Variants in ITPR1 observed in about 807,000 individuals in gnomAD.
ITPR1 encodes inositol 1,4,5-trisphosphate receptor type 1.
A neutral mutation model predicts 318.4 loss-of-function variants in ITPR1; 96 were observed. The observed-to-expected ratio is 0.30, with a 90% CI of 0.26 to 0.36. The LOEUF (loss-of-function observed/expected upper bound fraction) is 0.36, where lower values mean the gene tolerates loss of function less well. Among genes scored for constraint, ITPR1 ranks in the 10% least tolerant of loss-of-function variants. ITPR1 has a pLI of 1.00. For missense variants in ITPR1, 2,440 were observed against 3,460.2 expected (o/e 0.71, Z 7.40); for synonymous variants, 1,312 against 1,289.9 (o/e 1.02, Z -0.37).
At chr3:4,534,215 G>A (rs562648767) in intron 4 of ITPR1, among the ~76,000 whole-genome samples, 8 of 152,158 alleles carry the variant, frequency 5.3e-5, no homozygotes, top group Non-Finnish European at 7.4e-5. Context: ...CCATGGCCCC[G>A]GTAGTGAACA....
At position 4,537,334 on chromosome 3, in the gene ITPR1, TG is replaced by T. The variant is rs569401118; in HGVS notation, c.163+16243del. On this transcript the variant is annotated intron_variant, in intron 4 of 61. Coordinates refer to ENST00000649015, the MANE Select transcript of ITPR1 (RefSeq NM_001378452.1). ...ATGTCTTTAAAGGGCTGTTTCTTCC[TG>T]GGTAAATATTGTAAGCTCTGTTCTT... 6.8e-4 allele frequency among the ~76,000 whole-genome samples: 103 copies of T among 152,356 alleles called. 1 individual carries two copies. Among genetic ancestry groups the T allele is most frequent in the Admixed American group, 5.6e-3 (86 of 15,304 alleles).
chr3:4,567,539 G>A (rs1274071775), intron 4 of ITPR1, among the ~76,000 whole-genome samples: 1 of 152,154 alleles, frequency 6.6e-6, no homozygotes, highest in Non-Finnish European at 1.5e-5. Context: ...TCAACCACGT[G>A]CGGTGGGCTT....
rs79501092 is a variant in ITPR1, at chr3:4,571,214, G to A, written c.163+50120G>A. 5.3e-3 allele frequency among the ~76,000 whole-genome samples: 804 copies of A among 152,316 alleles called. 18 individuals are homozygous for A. The highest frequency in any genetic ancestry group is 3.0e-3 in the Non-Finnish European group (204 of 68,032). On this transcript the variant is annotated intron_variant, in intron 4 of 61. Coordinates refer to ENST00000649015, the MANE Select transcript of ITPR1 (RefSeq NM_001378452.1). ...GCATTACAAAGTTTCATGTCAGAGG[G>A]CATGGATACAAGGAGGAGTGAAGAG...
At chr3:4,529,252 A>T (rs80302626) in intron 4 of ITPR1, among the ~76,000 whole-genome samples, 7,413 of 152,220 alleles carry the variant, frequency 0.049, 377 homozygotes, top group East Asian at 0.12. Flanking sequence ...ATGGAGAACC[A>T]TTTTCACTAT....
intron 2 of ITPR1, among the ~76,000 whole-genome samples, chr3:4,501,033 A>G (rs9845215): frequency 6.6e-6 from 1 of 150,934 alleles, no homozygotes; most frequent in South Asian, 2.1e-4. Flanking sequence ...TAAAAAAAAA[A>G]TTTTTTTTTG....
chr3:4,815,322 C>T (rs2049220013), intron 59 of ITPR1, 104 bp downstream of exon 59: 47 of 1,013,974 alleles, frequency 4.6e-5, no homozygotes, highest in South Asian at 3.0e-4. Context: ...CCCAGTTATG[C>T]GGGAGGGGGC....
At position 4,697,220 on chromosome 3, in the gene ITPR1, C is replaced by A. The variant is rs1235870691; in HGVS notation, c.4355C>A (p.Thr1452Asn). The A allele has an allele frequency of 6.3e-7, 1 of 1,590,162 alleles. No homozygotes were observed. The highest frequency in any genetic ancestry group is 1.8e-5 in the Admixed American group (1 of 55,880). ...GAGGTGGAAATGAAGGAGATTTATA[C>A]CAGCAATCACATGTGGAAATTGTTT... ...DTEVEMKEIY[T>N]SNHMWKLFEN... Residue 1452 changes from threonine (T) to asparagine (N), a missense_variant, in exon 34 of 62, where the codon ACC becomes AAC. Physicochemically the swap from Thr to Asn is moderately conservative, Grantham distance 65. Coordinates refer to ENST00000649015, the MANE Select transcript of ITPR1 (RefSeq NM_001378452.1).
At chr3:4,629,850 C>T (rs1044073355) in intron 5 of ITPR1, among the ~76,000 whole-genome samples, 3 of 152,200 alleles carry the variant, frequency 2.0e-5, no homozygotes, top group South Asian at 2.1e-4. Flanking sequence ...AAGCCTCAGT[C>T]GGAGGCACCC....
intron 44 of ITPR1, among the ~76,000 whole-genome samples, chr3:4,736,432 G>T (rs2043277443): frequency 6.6e-6 from 1 of 152,258 alleles, no homozygotes; most frequent in Admixed American, 6.5e-5. Flanking sequence ...TTCAGTCCCT[G>T]CCTGCTCCTC....
At chr3:4,752,700 T>C (rs1182404794) in intron 44 of ITPR1, among the ~76,000 whole-genome samples, 3 of 152,242 alleles carry the variant, frequency 2.0e-5, no homozygotes, top group Non-Finnish European at 4.4e-5. Flanking sequence ...GGCCTTACTG[T>C]GTTGACCAAG....
intron 4 of ITPR1, among the ~76,000 whole-genome samples, chr3:4,572,110 A>T (rs999674663): frequency 3.9e-5 from 6 of 152,120 alleles, no homozygotes; most frequent in Non-Finnish European, 8.8e-5. Context: ...TTGCTTATTG[A>T]GCGGGTCCAG....
chr3:4,676,595 C>T lies in ITPR1; in HGVS notation c.2780-19C>T, dbSNP rs375100956. ...TCTCTAGAGACATTGTGACCGTGGT[C>T]TCTCCTGGCCTTTCCTAGGCAGTAA... On this transcript the variant is annotated intron_variant, in intron 23 of 61. Coordinates refer to ENST00000649015, the MANE Select transcript of ITPR1 (RefSeq NM_001378452.1). The T allele has an allele frequency of 1.9e-6, 3 of 1,607,498 alleles. No individual in the cohort carries two copies. Among genetic ancestry groups the T allele is most frequent in the Non-Finnish European group, 1.7e-6 (2 of 1,175,754 alleles).
chr3:4,644,697 A>G (rs1177992535), intron 8 of ITPR1, among the ~76,000 whole-genome samples: 1 of 152,192 alleles, frequency 6.6e-6, no homozygotes, highest in African/African-American at 2.4e-5. Flanking sequence ...ATAGGATGCA[A>G]GGATGTTACT....
chr3:4,638,137 A>G, intron 5 of ITPR1, among the ~76,000 whole-genome samples: 1 of 152,174 alleles, frequency 6.6e-6, no homozygotes, highest in East Asian at 1.9e-4. Flanking sequence ...GTGAAAATGA[A>G]GACACATTAC....
intron 4 of ITPR1, among the ~76,000 whole-genome samples, chr3:4,549,028 CAAA>C (rs954944485): frequency 6.6e-6 from 1 of 152,038 alleles, no homozygotes; most frequent in African/African-American, 2.4e-5. Flanking sequence ...TCACAGAGTG[CAAA>C]CAACACCAGG....
At chr3:4,721,172 G>GTATATATATGTATATATATATA (rs2042132641) in intron 40 of ITPR1, among the ~76,000 whole-genome samples, 1 of 125,080 alleles carries the variant, frequency 8.0e-6, no homozygotes, top group Admixed American at 7.9e-5. Context: ...GTGTGTGCGT[G>GTATATATATGTATATATATATA]TATATATATA....
At chr3:4,728,084 G>A (rs2042652077) in intron 42 of ITPR1, among the ~76,000 whole-genome samples, 1 of 152,200 alleles carries the variant, frequency 6.6e-6, no homozygotes, top group Non-Finnish European at 1.5e-5. Flanking sequence ...ATTAACAGGT[G>A]GTTCATCACT....
chr3:4,665,814 C>T (rs2093934426), intron 17 of ITPR1, among the ~76,000 whole-genome samples: 1 of 152,102 alleles, frequency 6.6e-6, no homozygotes, highest in African/African-American at 2.4e-5. Flanking sequence ...GTATAGTCTC[C>T]TATGAAATAA....
chr3:4,643,801 C>G (rs2093392558), intron 7 of ITPR1, among the ~76,000 whole-genome samples: 1 of 151,210 alleles, frequency 6.6e-6, no homozygotes, highest in Non-Finnish European at 1.5e-5. Flanking sequence ...CTGACTCTAT[C>G]TTGTTTTTTC....
Sources: allele counts gnomAD v4.1 joint callset (sites outside exome capture counted in the v4.1 genomes callset), GRCh38; gene constraint gnomAD v4.1.1; transcripts MANE v1.5; gene names NCBI Gene and HGNC (gene_info 2026-07-23, HGNC 2026-07-21).